PSD3: variants seen among roughly 807,000 people sequenced by gnomAD.
The protein encoded by PSD3 is PH and SEC7 domain-containing protein 3.
A neutral mutation model predicts 105.5 loss-of-function variants in PSD3; 49 were observed. The observed-to-expected ratio is 0.46, with a 90% confidence interval of 0.37 to 0.59. The LOEUF (loss-of-function observed/expected upper bound fraction) is 0.59, where lower values mean the gene tolerates loss of function less well. Among genes scored for constraint, PSD3 ranks in the 20% least tolerant of loss-of-function variants. The probability of loss-of-function intolerance (pLI) is 0.00; values close to 1 mark genes in which losing one functional copy is unlikely to be tolerated. For synonymous variants in PSD3, 557 were observed against 457.8 expected (o/e 1.22, Z -2.77); for missense variants, 1,561 against 1,263.8 (o/e 1.24, Z -3.57).
At chr8:18,939,581 C>CA (rs1822389293) in intron 1 of PSD3, among the ~76,000 whole-genome samples, 1 of 151,428 alleles carries the variant, frequency 6.6e-6, no homozygotes, top group Admixed American at 6.6e-5. Flanking sequence ...CTCTTGACCT[C>CA]AAGCAATCCT....
intron 1 of PSD3, among the ~76,000 whole-genome samples, chr8:19,036,891 A>C (rs1487517621): frequency 6.6e-6 from 1 of 152,186 alleles, no homozygotes; most frequent in East Asian, 1.9e-4. Context: ...AAGAAGGATG[A>C]ATTTGACTTC....
In PSD3 at chr8:18,701,108, G is replaced by T. The variant is rs1347186281; in HGVS notation, c.2173-45423C>A. ...AGCCTCCCAAGTAGCTGAGACCACA[G>T]GTGTGTGCCAAGAAGCCTGGCTGAT... On this transcript the variant is annotated intron_variant, in intron 9 of 15. Coordinates refer to ENST00000327040, the MANE Select transcript of PSD3 (RefSeq NM_015310.4). 2.7e-5 allele frequency among the ~76,000 whole-genome samples: 4 copies of T among 150,562 alleles called. No homozygotes were observed. The Admixed American group carries it at 2.7e-4, about 10-fold the overall frequency.
At chr8:18,951,723 A>G (rs1395318824) in intron 1 of PSD3, among the ~76,000 whole-genome samples, 1 of 152,092 alleles carries the variant, frequency 6.6e-6, no homozygotes, top group Non-Finnish European at 1.5e-5. Context: ...AGTGGCTCAC[A>G]CCTGTAATCC....
At chr8:18,774,975 T>C in intron 8 of PSD3, 1 of 456,144 alleles carries the variant, frequency 2.2e-6, no homozygotes. Flanking sequence ...AAAGTGCCCA[T>C]TAATCAACCT....
chr8:18,887,211 C>G (rs184103621), intron 2 of PSD3, among the ~76,000 whole-genome samples: 10 of 152,132 alleles, frequency 6.6e-5, no homozygotes, highest in African/African-American at 2.2e-4. Flanking sequence ...ATTATTTTAA[C>G]GGACAAGGGA....
At chr8:18,900,141 G>A (rs1819410021) in intron 2 of PSD3, among the ~76,000 whole-genome samples, 1 of 151,964 alleles carries the variant, frequency 6.6e-6, no homozygotes, top group Non-Finnish European at 1.5e-5. Context: ...ATTTTTTAAG[G>A]CAAATCTCTT....
intron 8 of PSD3, among the ~76,000 whole-genome samples, chr8:18,784,773 T>A (rs1808970791): frequency 6.6e-6 from 1 of 152,196 alleles, no homozygotes; most frequent in South Asian, 2.1e-4. Flanking sequence ...CCTGTGATGT[T>A]GGGATGCCCA....
intron 1 of PSD3, among the ~76,000 whole-genome samples, chr8:19,078,454 G>T (rs1287659843): frequency 6.6e-6 from 1 of 152,040 alleles, no homozygotes; most frequent in Non-Finnish European, 1.5e-5. Flanking sequence ...AGCTCAGATA[G>T]AATACTTAAA....
chr8:18,579,093 A>G (rs907261173), intron 12 of PSD3, among the ~76,000 whole-genome samples: 1 of 66,850 alleles, frequency 1.5e-5, no homozygotes, highest in Non-Finnish European at 2.9e-5. Flanking sequence ...TAAAGCTCCA[A>G]GTCCACACAC....
chr8:18,616,843 T>TA (rs1312346349), intron 11 of PSD3, among the ~76,000 whole-genome samples: 1 of 151,718 alleles, frequency 6.6e-6, no homozygotes, highest in Non-Finnish European at 1.5e-5. Context: ...CGGGATGGTC[T>TA]CGATCTCGTG....
chr8:18,855,176 A>G lies in PSD3; in HGVS notation c.1634+12498T>C, dbSNP rs567699050. On this transcript the variant is annotated intron_variant, in intron 4 of 15. Transcript: ENST00000327040. ...GATTATGAGGACCTGGAGATTTAAA[A>G]GACTAAAAATTACTTTCTAAACAGA... 2.0e-5 allele frequency among the ~76,000 whole-genome samples: 3 copies of G among 152,366 alleles called. No homozygotes were observed. The South Asian group carries it at 6.2e-4, about 32-fold the overall frequency.
chr8:18,615,363 A>AAT (rs1805582428), intron 11 of PSD3, among the ~76,000 whole-genome samples: 1 of 152,178 alleles, frequency 6.6e-6, no homozygotes, highest in Non-Finnish European at 1.5e-5. Flanking sequence ...AACCCTAGCC[A>AAT]ATAAGGGAAT....
chr8:18,987,094 C>T (rs937889898), intron 1 of PSD3, among the ~76,000 whole-genome samples: 1 of 152,060 alleles, frequency 6.6e-6, no homozygotes, highest in South Asian at 2.1e-4. Flanking sequence ...CATAATAGTG[C>T]TTTGCAAACT....
chr8:18,738,983 A>C (rs1176489918), intron 9 of PSD3, among the ~76,000 whole-genome samples: 3 of 152,202 alleles, frequency 2.0e-5, no homozygotes, highest in African/African-American at 7.2e-5. Context: ...TTTTAAGAAG[A>C]ACCTTCGGCT....
Position 18,562,865 on chromosome 8 carries a change from G to A in PSD3, c.2785-6513C>T, listed in dbSNP as rs2634433. On this transcript the variant is annotated intron_variant, in intron 14 of 15. Transcript: ENST00000327040. Reference sequence around the variant, plus strand: ...GATCATGCCACTGCACTCCAGCCTGGGCGACAGAGTGAGACTCTGTCTAGA... The same window carrying A: ...GATCATGCCACTGCACTCCAGCCTGAGCGACAGAGTGAGACTCTGTCTAGA... Among the ~76,000 whole-genome samples, 51 of 151,924 alleles carry A rather than the reference G, an allele frequency of 3.4e-4. No individual in the cohort carries two copies. The East Asian group carries it at 9.5e-3, about 28-fold the overall frequency.
Position 18,530,894 on chromosome 8 carries a change from A to G in PSD3, c.*4849T>C, listed in dbSNP as rs1799607075. The G allele has an allele frequency of 6.6e-6, 1 of 152,218 alleles. No homozygotes were observed. The highest frequency in any genetic ancestry group is 1.5e-5 in the Non-Finnish European group (1 of 68,040). 9.4% of individuals were successfully genotyped at this position (152,218 alleles called of 1,614,324 possible). A position where few individuals can be genotyped will look rare whatever the true frequency, so the allele number is the denominator to read the frequency against. On this transcript the variant is annotated 3_prime_UTR_variant, in exon 16 of 16. Coordinates refer to ENST00000327040, the MANE Select transcript of PSD3 (RefSeq NM_015310.4). Reference sequence around the variant, plus strand: ...ATTTGAGTTTAAGTTTAATAAAACAATACCACTATATATACTCTCAACAAC... The same window carrying G: ...ATTTGAGTTTAAGTTTAATAAAACAGTACCACTATATATACTCTCAACAAC...
At chr8:18,847,478 G>A (rs917007749) in intron 4 of PSD3, among the ~76,000 whole-genome samples, 3 of 152,038 alleles carry the variant, frequency 2.0e-5, no homozygotes, top group African/African-American at 7.2e-5. Context: ...TACTTTTTTG[G>A]TATATTCTAC....
intron 9 of PSD3, among the ~76,000 whole-genome samples, chr8:18,747,513 T>C (rs1409949944): frequency 6.6e-6 from 1 of 152,206 alleles, no homozygotes; most frequent in East Asian, 1.9e-4. Context: ...GCAATCTTTC[T>C]GAATTATCAG....
Position 18,589,409 on chromosome 8 carries a change from T to C in PSD3, c.2481+10955A>G, listed in dbSNP as rs529702625. 6.4e-4 allele frequency among the ~76,000 whole-genome samples: 97 copies of C among 152,294 alleles called. No homozygotes were observed. The Middle Eastern group carries it at 0.01, about 16-fold the overall frequency. On this transcript the variant is annotated intron_variant, in intron 12 of 15. Coordinates refer to ENST00000327040, the MANE Select transcript of PSD3 (RefSeq NM_015310.4). ...TGGGTTTCAGCTAACTCCATATCTC[T>C]TTCTACAAAGCCTATTTTCCCAAAA...
Sources: gnomAD v4.1 joint callset for allele counts (sites outside exome capture counted in the v4.1 genomes callset) on GRCh38, gnomAD v4.1.1 for gene constraint, MANE v1.5 for transcripts, NCBI Gene and HGNC (gene_info 2026-07-23, HGNC 2026-07-21) for gene names.